Variants in CEBPZOS observed in about 807,000 individuals in gnomAD.
CEBPZOS encodes the protein CEBPZ opposite strand, also known as protein CEBPZOS.
Under a neutral mutation model 4.8 loss-of-function variants are expected in CEBPZOS, and 10 were observed. That is an observed-to-expected ratio of 2.07 (90% CI 1.28 to 3.52). CEBPZOS has a LOEUF of 3.52. Ranked by LOEUF, CEBPZOS falls within the 30% of genes most tolerant of loss-of-function variation. The pLI is 0.00. For missense variants in CEBPZOS, 98 were observed against 43.6 expected, an observed-to-expected ratio of 2.25 and a Z score of -3.51; for synonymous variants, 25 against 14.2, an observed-to-expected ratio of 1.77 and a Z score of -1.72.
intron 4 of CEBPZOS, chr2:37,212,370 A>ATGTGTCTGCCAGTTATCATCTT (rs756093158): frequency 7.4e-6 from 12 of 1,613,524 alleles, no homozygotes; most frequent in Non-Finnish European, 2.5e-6. Flanking sequence ...CAGAGCTGAA[A>ATGTGTCTGCCAGTTATCATCTT]CAGTTATCAT....
chr2:37,201,381 G>A (rs1677222366), intron 3 of CEBPZOS: 5 of 495,342 alleles, frequency 1.0e-5, no homozygotes, highest in Admixed American at 7.7e-5. Flanking sequence ...TTCATCTCAG[G>A]TTTGCTAACT....
At chr2:37,200,307 G>A (rs937880094) in intron 2 of CEBPZOS, among the ~76,000 whole-genome samples, 1 of 152,078 alleles carries the variant, frequency 6.6e-6, no homozygotes, top group Non-Finnish European at 1.5e-5. Context: ...TTTTATATTA[G>A]AGCTCTCAAC....
At chr2:37,205,924 A>T (rs1169457651), downstream of CEBPZOS, among the ~76,000 whole-genome samples, 1 of 152,352 alleles carries the variant, frequency 6.6e-6, no homozygotes, top group East Asian at 1.9e-4. Flanking sequence ...GGATTATTGC[A>T]AGGGTCAAAT....
downstream of CEBPZOS, chr2:37,216,153 A>C (rs1015998310): frequency 1.9e-6 from 3 of 1,611,776 alleles, no homozygotes; most frequent in Non-Finnish European, 2.5e-6. Context: ...GAAGATGACG[A>C]ATATCCTTAA....
downstream of CEBPZOS, chr2:37,209,168 T>G (rs1216271061): frequency 6.6e-6 from 1 of 151,974 alleles, no homozygotes; most frequent in African/African-American, 2.4e-5. Context: ...TGGAAACGCA[T>G]CCCATGTTCA....
intron 4 of CEBPZOS, among the ~76,000 whole-genome samples, chr2:37,212,835 T>TA (rs761764387): frequency 0.021 from 1,308 of 61,634 alleles, 14 homozygotes; most frequent in African/African-American, 0.054. Flanking sequence ...CTATCTCTAT[T>TA]AAAAAAAAAA....
intron 4 of CEBPZOS, chr2:37,212,298 C>G (rs1385900124): frequency 6.3e-7 from 1 of 1,577,344 alleles, no homozygotes; most frequent in Non-Finnish European, 8.7e-7. Flanking sequence ...TTGGGAAATG[C>G]TAGAAAAATA....
intron 4 of CEBPZOS, among the ~76,000 whole-genome samples, chr2:37,213,182 TAAAGATA>T (rs747748578): frequency 2.0e-5 from 3 of 152,226 alleles, no homozygotes; most frequent in Non-Finnish European, 1.5e-5. Context: ...CTCTGTGGAT[TAAAGATA>T]AAAAAGATCA....
At chr2:37,201,578 A>C (rs2148327086) in intron 3 of CEBPZOS, 64 bp from the exon 4 acceptor site, 1 of 655,410 alleles carries the variant, frequency 1.5e-6, no homozygotes. Flanking sequence ...TGTTTTTTTC[A>C]ATACATTTAA....
Position 37,203,216 on chromosome 2 carries a change from G to A in CEBPZOS, c.*1356G>A, listed in dbSNP as rs758959686. ...AAGCTAACAACATCCTAATAGAACT[G>A]TTCAGATGACAAGAGTGTCTTCTTG... On this transcript the variant is annotated 3_prime_UTR_variant, in exon 5 of 5. Coordinates refer to ENST00000402297, the MANE Select transcript of CEBPZOS (RefSeq NM_001322374.2). 25 of 356,634 alleles carry A rather than the reference G, an allele frequency of 7.0e-5. No homozygotes were observed. Among genetic ancestry groups the A allele is most frequent in the African/African-American group, 1.7e-4 (8 of 47,334 alleles). 22.1% of individuals were successfully genotyped at this position (356,634 alleles called of 1,614,324 possible).
At chr2:37,215,277 A>G (rs1228432718), downstream of CEBPZOS, 3 of 185,960 alleles carry the variant, frequency 1.6e-5, no homozygotes, top group Non-Finnish European at 3.3e-5. Flanking sequence ...AAAAATTCAA[A>G]GAGTTATTTT....
downstream of CEBPZOS, among the ~76,000 whole-genome samples, chr2:37,206,704 G>A (rs549512112): frequency 4.4e-4 from 67 of 152,202 alleles, 3 homozygotes; most frequent in South Asian, 0.013. Context: ...CCAAAATAGA[G>A]CCTTCTTAAA....
At chr2:37,200,209 C>CTATA (rs1363534715) in intron 2 of CEBPZOS, among the ~76,000 whole-genome samples, 1 of 152,162 alleles carries the variant, frequency 6.6e-6, no homozygotes, top group African/African-American at 2.4e-5. Flanking sequence ...TTTTCTCAGG[C>CTATA]TATAGTATTC....
intron 2 of CEBPZOS, among the ~76,000 whole-genome samples, chr2:37,200,692 GT>G (rs1429884321): frequency 6.6e-6 from 1 of 151,654 alleles, no homozygotes; most frequent in Non-Finnish European, 1.5e-5. Context: ...GCATGATGGT[GT>G]GCTCCTGTAG....
chr2:37,199,739 T>C lies in CEBPZOS; in HGVS notation c.35T>C (p.Ile12Thr). ...ARTLEPLAKK[I>T]FKGVLVAELV... The stretch of plus-strand genomic sequence containing the variant: ...ACTTTGGAACCACTAGCAAAGAAGA[T>C]CTTTAAAGGAGTTTTGGTAGCCGAA... Residue 12 changes from isoleucine to threonine, a missense_variant, in exon 2 of 5, where the codon ATC (isoleucine) becomes ACC (threonine). Ile to Thr is a moderately conservative substitution (Grantham distance 89). Transcript: ENST00000402297. 1.4e-6 allele frequency: 1 copy of C among 717,482 alleles called. No individual in the cohort carries two copies. The highest frequency in any genetic ancestry group is 2.6e-6 in the Non-Finnish European group (1 of 385,070). 44.4% of individuals were successfully genotyped at this position (717,482 alleles called of 1,614,324 possible).
chr2:37,202,437 G>A lies in CEBPZOS; in HGVS notation c.*577G>A, dbSNP rs1172312385. On this transcript the variant is annotated 3_prime_UTR_variant, in exon 5 of 5. Transcript: ENST00000402297. Reference sequence around the variant, plus strand: ...AGGCAGGCGGGTCACTTGAGGTCAGGAGTTCGAGACCAGCCTGGCCAACAT... The same window carrying A: ...AGGCAGGCGGGTCACTTGAGGTCAGAAGTTCGAGACCAGCCTGGCCAACAT... The A allele has an allele frequency of 5.7e-6, 1 of 174,238 alleles. No individual in the cohort carries two copies. The highest frequency in any genetic ancestry group is 1.2e-5 in the Non-Finnish European group (1 of 82,038). The allele number at this position is 174,238 out of a possible 1,614,324, so 10.8% of individuals were successfully genotyped here.
chr2:37,206,606 T>A (rs1259103780), downstream of CEBPZOS, among the ~76,000 whole-genome samples: 2 of 152,198 alleles, frequency 1.3e-5, no homozygotes, highest in Non-Finnish European at 2.9e-5. Flanking sequence ...GATGCCCGCC[T>A]GGGCCTCCCG....
At chr2:37,201,362 A>G (rs1677221956) in intron 3 of CEBPZOS, 1 of 496,034 alleles carries the variant, frequency 2.0e-6, no homozygotes, top group African/African-American at 2.0e-5. Flanking sequence ...TTGGTTTTAA[A>G]AGATCAGTTT....
chr2:37,212,456 T>C, intron 4 of CEBPZOS: 1 of 1,316,704 alleles, frequency 7.6e-7, no homozygotes, highest in Non-Finnish European at 1.1e-6. Context: ...ATATCTTGTA[T>C]CTGAATCAAT....
Sources: allele counts gnomAD v4.1 joint callset (sites outside exome capture counted in the v4.1 genomes callset), GRCh38; gene constraint gnomAD v4.1.1; transcripts MANE v1.5; gene names NCBI Gene and HGNC (gene_info 2026-07-23, HGNC 2026-07-21).